Variants in LRRC4C observed in about 807,000 individuals in gnomAD.
LRRC4C encodes the protein leucine rich repeat containing 4C, also known as leucine-rich repeat-containing protein 4C.
LRRC4C carries 5 observed loss-of-function variants against 33.6 expected under a neutral mutation model. The observed-to-expected ratio is 0.15, with a 90% confidence interval of 0.08 to 0.31. The LOEUF (loss-of-function observed/expected upper bound fraction) is 0.31, where lower values mean the gene tolerates loss of function less well. Among genes scored for constraint, LRRC4C ranks in the 10% least tolerant of loss-of-function variants. The pLI is 1.00. For synonymous variants in LRRC4C, 329 were observed against 302.0 expected, an observed-to-expected ratio of 1.09 and a Z score of -0.93; for missense variants, 560 against 796.7, an observed-to-expected ratio of 0.70 and a Z score of 3.58.
At chr11:40,224,935 A>G (rs16934480) in intron 5 of LRRC4C, among the ~76,000 whole-genome samples, 26,425 of 152,162 alleles carry the variant, frequency 0.17, 2,674 homozygotes, top group Admixed American at 0.28. Context: ...TGTTAAACAA[A>G]TAGAAGTCAA....
At chr11:41,258,093 G>A (rs1017417570) in intron 1 of LRRC4C, among the ~76,000 whole-genome samples, 2 of 151,892 alleles carry the variant, frequency 1.3e-5, no homozygotes, top group African/African-American at 4.8e-5. Context: ...TACAAAAAAA[G>A]AATAAGAGGA....
At chr11:41,224,888 A>G (rs189402817) in intron 1 of LRRC4C, among the ~76,000 whole-genome samples, 2 of 152,298 alleles carry the variant, frequency 1.3e-5, no homozygotes, top group African/African-American at 4.8e-5. Context: ...GTGTCCATCA[A>G]CAGATGAATA....
At chr11:41,271,165 G>A (rs190561911) in intron 1 of LRRC4C, among the ~76,000 whole-genome samples, 4 of 152,094 alleles carry the variant, frequency 2.6e-5, no homozygotes, top group East Asian at 3.9e-4. Flanking sequence ...CCTCACATAC[G>A]GTAAAGGTCA....
At chr11:40,870,083 C>T (rs576282075) in intron 2 of LRRC4C, among the ~76,000 whole-genome samples, 1 of 152,210 alleles carries the variant, frequency 6.6e-6, no homozygotes, top group African/African-American at 2.4e-5. Flanking sequence ...AAAAGCAAGA[C>T]AAGGTTAAGT....
chr11:40,623,628 C>G (rs1962665361), intron 3 of LRRC4C, among the ~76,000 whole-genome samples: 1 of 152,052 alleles, frequency 6.6e-6, no homozygotes, highest in South Asian at 2.1e-4. Context: ...ATTTCTTCTG[C>G]TAATTGAACA....
chr11:40,124,812 A>C (rs1226256665), intron 6 of LRRC4C, among the ~76,000 whole-genome samples: 1 of 152,184 alleles, frequency 6.6e-6, no homozygotes. Context: ...AAATAGTAAA[A>C]TTGTTGTAAC....
intron 3 of LRRC4C, among the ~76,000 whole-genome samples, chr11:40,399,425 T>C (rs1278193536): frequency 2.0e-5 from 3 of 151,012 alleles, no homozygotes; most frequent in Non-Finnish European, 2.9e-5. Flanking sequence ...CAGTAAACTA[T>C]CACAAGGACA....
chr11:41,093,365 G>T (rs1417515189), intron 1 of LRRC4C, among the ~76,000 whole-genome samples: 1 of 152,148 alleles, frequency 6.6e-6, no homozygotes, highest in Admixed American at 6.5e-5. Context: ...AATACAACTT[G>T]CAGCAGCAAC....
At chr11:40,499,578 C>T (rs1206291324) in intron 3 of LRRC4C, among the ~76,000 whole-genome samples, 8 of 152,022 alleles carry the variant, frequency 5.3e-5, no homozygotes, top group African/African-American at 1.4e-4. Context: ...AAAAGAGCCA[C>T]AAAAAATGTT....
intron 3 of LRRC4C, among the ~76,000 whole-genome samples, chr11:40,557,604 G>A (rs78408837): frequency 9.5e-4 from 145 of 152,128 alleles, no homozygotes; most frequent in African/African-American, 3.4e-3. Flanking sequence ...TCTAAAACAG[G>A]GAGGGCATGT....
chr11:40,763,404 A>G (rs74321892), intron 2 of LRRC4C, among the ~76,000 whole-genome samples: 1 of 152,154 alleles, frequency 6.6e-6, no homozygotes, highest in South Asian at 2.1e-4. Context: ...AGATGGCTGA[A>G]TAGAACTTTC....
rs1304468049 is a variant in LRRC4C, at chr11:40,114,683, G to A, written c.1610C>T (p.Thr537Ile). ...KIIIGCFVAI[T>I]LMAAVMLVIF... The stretch of plus-strand genomic sequence containing the variant: ...GACCAGCATCACTGCAGCCATGAGT[G>A]TGATGGCCACAAAACACCCAATGAT... Residue 537 changes from threonine to isoleucine, a missense_variant, in exon 7 of 7, where the codon ACA becomes ATA. This residue lies in a region of LRRC4C where 2 missense variants were observed against 20.8 expected (regional missense o/e 0.10). Coordinates refer to ENST00000528697, the MANE Select transcript of LRRC4C (RefSeq NM_001258419.2). The A allele has an allele frequency of 6.2e-7, 1 of 1,614,056 alleles. No individual in the cohort carries two copies. The highest frequency in any genetic ancestry group is 1.3e-5 in the African/African-American group (1 of 74,894).
chr11:41,133,238 C>CT (rs1427029674), intron 1 of LRRC4C, among the ~76,000 whole-genome samples: 14 of 152,086 alleles, frequency 9.2e-5, no homozygotes, highest in African/African-American at 3.1e-4. Context: ...CTAATATACC[C>CT]TCTGGGCGGC....
intron 1 of LRRC4C, among the ~76,000 whole-genome samples, chr11:41,063,697 C>G (rs1382830681): frequency 6.6e-6 from 1 of 152,092 alleles, no homozygotes; most frequent in African/African-American, 2.4e-5. Context: ...AGAGCAATAT[C>G]CAATAAGGCC....
At chr11:41,421,841 T>C (rs1373189224) in intron 1 of LRRC4C, among the ~76,000 whole-genome samples, 1 of 151,994 alleles carries the variant, frequency 6.6e-6, no homozygotes, top group Non-Finnish European at 1.5e-5. Flanking sequence ...CTTGGAGTCA[T>C]GTTTCCTCCT....
At chr11:40,176,691 T>TG (rs1333897383) in intron 5 of LRRC4C, among the ~76,000 whole-genome samples, 2 of 151,912 alleles carry the variant, frequency 1.3e-5, no homozygotes, top group Non-Finnish European at 2.9e-5. Flanking sequence ...CAGGTGCACA[T>TG]GACCACACTC....
chr11:40,595,485 C>A (rs1367807117), intron 3 of LRRC4C, among the ~76,000 whole-genome samples: 1 of 152,056 alleles, frequency 6.6e-6, no homozygotes, highest in Non-Finnish European at 1.5e-5. Context: ...TCCTTGGGAA[C>A]CAGCATGTAC....
intron 1 of LRRC4C, among the ~76,000 whole-genome samples, chr11:40,972,490 G>A (rs898347673): frequency 6.6e-6 from 1 of 152,056 alleles, no homozygotes; most frequent in African/African-American, 2.4e-5. Context: ...AGGGCAAAAT[G>A]ATATGGCTAG....
At chr11:40,927,339 A>T (rs940139621) in intron 2 of LRRC4C, among the ~76,000 whole-genome samples, 5 of 151,956 alleles carry the variant, frequency 3.3e-5, no homozygotes, top group African/African-American at 1.2e-4. Context: ...ATGCCATTAG[A>T]CTCCAGCCTG....
Sources: allele counts gnomAD v4.1 joint callset (sites outside exome capture counted in the v4.1 genomes callset), GRCh38; gene constraint gnomAD v4.1.1; regional missense constraint gnomAD v4.1.1; transcripts MANE v1.5; gene names NCBI Gene and HGNC (gene_info 2026-07-23, HGNC 2026-07-21).